The following TXN2 variants were observed in gnomAD, a reference collection of about 807,000 sequenced individuals.
TXN2 encodes thioredoxin 2.
In TXN2, 12 loss-of-function variants were observed where a neutral mutation model predicts 14.6. The observed-to-expected ratio is 0.82, with a 90% confidence interval of 0.53 to 1.33. The LOEUF is 1.33. Among genes scored for constraint, TXN2 ranks in the 40% most tolerant of loss-of-function variants. TXN2 has a pLI of 0.00. For missense variants in TXN2, 173 were observed against 207.7 expected (o/e 0.83, Z 1.03); for synonymous variants, 89 against 81.0 (o/e 1.10, Z -0.53).
At position 36,469,497 on chromosome 22, in the gene TXN2, G is replaced by A. The variant is rs1286896655; in HGVS notation, c.388-1580C>T. Among the ~76,000 whole-genome samples, 3 of 152,180 alleles carry A rather than the reference G, an allele frequency of 2.0e-5. No individual in the cohort carries two copies. In the East Asian group the frequency reaches 5.8e-4, roughly 29 times the overall value. On this transcript the variant is annotated intron_variant, in intron 3 of 3. Transcript: ENST00000216185. The stretch of plus-strand genomic sequence containing the variant: ...TTAGCAGGTTGCAGGCAGATGGCAA[G>A]GACAACATTCTTGGTCTGTGAAGCA...
At chr22:36,470,076 T>A (rs1933242019) in intron 3 of TXN2, among the ~76,000 whole-genome samples, 1 of 152,188 alleles carries the variant, frequency 6.6e-6, no homozygotes, top group South Asian at 2.1e-4. Context: ...TCTTCACATA[T>A]CCCAGTGCTG....
chr22:36,471,072 C>T (rs543981509), intron 3 of TXN2, among the ~76,000 whole-genome samples: 1 of 152,312 alleles, frequency 6.6e-6, no homozygotes, highest in Admixed American at 6.5e-5. Flanking sequence ...GCGGCTGAAG[C>T]TCTGCTGCTC....
At chr22:36,471,420 T>C (rs770765038) in intron 3 of TXN2, among the ~76,000 whole-genome samples, 1 of 152,180 alleles carries the variant, frequency 6.6e-6, no homozygotes, top group Non-Finnish European at 1.5e-5. Context: ...CCCACCCCGA[T>C]GGCATCCATC....
chr22:36,471,978 A>G (rs1348415485), intron 3 of TXN2, among the ~76,000 whole-genome samples: 2 of 152,014 alleles, frequency 1.3e-5, no homozygotes, highest in African/African-American at 4.8e-5. Flanking sequence ...TAAAAAAAAA[A>G]AAAAAAAAAA....
chr22:36,468,317 G>A (rs1933202056), intron 3 of TXN2, among the ~76,000 whole-genome samples: 1 of 152,210 alleles, frequency 6.6e-6, no homozygotes, highest in Admixed American at 6.5e-5. Flanking sequence ...TCCTGGCTTT[G>A]CACTCACTAG....
chr22:36,473,055 C>T (rs897264949), intron 3 of TXN2, among the ~76,000 whole-genome samples: 10 of 152,232 alleles, frequency 6.6e-5, no homozygotes, highest in East Asian at 5.8e-4. Flanking sequence ...GCCTGTAATG[C>T]CAGCACTCTG....
At chr22:36,481,158 G>A (rs1025738878) in intron 1 of TXN2, 20 of 212,518 alleles carry the variant, frequency 9.4e-5, no homozygotes, top group Non-Finnish European at 1.2e-4. Context: ...ACACATTATT[G>A]GTCTTCCTAC....
At chr22:36,477,508 T>TG (rs1162454978) in intron 2 of TXN2, among the ~76,000 whole-genome samples, 1 of 152,082 alleles carries the variant, frequency 6.6e-6, no homozygotes, top group Non-Finnish European at 1.5e-5. Context: ...GCGCCCGGCC[T>TG]GGGCCCTAGT....
intron 3 of TXN2, among the ~76,000 whole-genome samples, chr22:36,473,847 C>T (rs1219262359): frequency 6.6e-6 from 1 of 152,216 alleles, no homozygotes. Flanking sequence ...AACAGCCTCC[C>T]GGGGACGGTC....
intron 3 of TXN2, among the ~76,000 whole-genome samples, chr22:36,470,293 AG>A (rs1383374127): frequency 1.3e-5 from 2 of 152,214 alleles, no homozygotes; most frequent in African/African-American, 4.8e-5. Context: ...TTAGTGCCTC[AG>A]GCCCCTTCAA....
intron 2 of TXN2, 98 bp downstream of exon 2, chr22:36,480,477 A>C (rs950946656): frequency 8.0e-6 from 12 of 1,492,184 alleles, no homozygotes; most frequent in Non-Finnish European, 1.1e-5. Flanking sequence ...TTGAGTCTAC[A>C]TATGAGCAGC....
chr22:36,468,748 A>C (rs1185147005), intron 3 of TXN2: 3 of 426,872 alleles, frequency 7.0e-6, no homozygotes, highest in Admixed American at 5.1e-5. Flanking sequence ...TTTGAGTATA[A>C]AGCAGAGCTC....
intron 3 of TXN2, among the ~76,000 whole-genome samples, chr22:36,475,254 T>C (rs570100965): frequency 3.9e-5 from 6 of 152,130 alleles, no homozygotes; most frequent in Non-Finnish European, 8.8e-5. Flanking sequence ...GGCGCGTGCC[T>C]GTAATCTCAG....
rs1933480578 is a variant in TXN2, at chr22:36,480,647, A to C, written c.191T>G (p.Ile64Ser). ...TTRISLTTFN[I>S]QDGPDFQDRV... ...GTCTTGAAAGTCAGGTCCATCCTGG[A>C]TATTAAAGGTTGTCAAGGAGATCCT... The change falls in exon 2 of 4, where the codon ATC becomes AGC. Residue 64 changes from isoleucine to serine, a missense_variant. Physicochemically the swap from Ile to Ser is moderately radical, Grantham distance 142 (BLOSUM62 -2). Coordinates refer to ENST00000216185, the MANE Select transcript of TXN2 (RefSeq NM_012473.4). 6 of 1,614,154 alleles carry C rather than the reference A, an allele frequency of 3.7e-6. No individual in the cohort carries two copies. The highest frequency in any genetic ancestry group is 5.1e-6 in the Non-Finnish European group (6 of 1,180,034).
intron 2 of TXN2, 80 bp downstream of exon 2, chr22:36,480,495 A>G: frequency 1.3e-6 from 2 of 1,543,326 alleles, no homozygotes; most frequent in South Asian, 1.2e-5. Context: ...AGCATAGAAC[A>G]TGGCCGTGGG....
At position 36,467,932 on chromosome 22, in the gene TXN2, C is replaced by G. The variant is rs372250363; in HGVS notation, c.388-15G>C. 6.2e-7 allele frequency: 1 copy of G among 1,605,886 alleles called. No individual in the cohort carries two copies. Among genetic ancestry groups the G allele is most frequent in the Non-Finnish European group, 8.5e-7 (1 of 1,172,604 alleles). ...ACCGCTGACACCTGGGTGGAGAGGA[C>G]AAGGGGGTCCAAGTGAATTGGGAGT... On this transcript the variant is annotated splice_polypyrimidine_tract_variant and intron_variant, in intron 3 of 3. Coordinates refer to ENST00000216185, the MANE Select transcript of TXN2 (RefSeq NM_012473.4).
intron 3 of TXN2, among the ~76,000 whole-genome samples, chr22:36,475,583 G>C (rs1044553795): frequency 6.6e-6 from 1 of 152,074 alleles, no homozygotes; most frequent in South Asian, 2.1e-4. Flanking sequence ...GGCTGCTTTC[G>C]GCTACGAGCC....
intron 3 of TXN2, among the ~76,000 whole-genome samples, chr22:36,469,820 G>A (rs2145819876): frequency 6.6e-6 from 1 of 152,254 alleles, no homozygotes; most frequent in East Asian, 1.9e-4. Context: ...GCCGGGCGTG[G>A]TGGGGCATGC....
rs544295719 is a variant in TXN2 at position 36,481,545 on chromosome 22, AC to A, written c.-1+18del. 2.7e-4 allele frequency: 272 copies of A among 997,196 alleles called. No individual in the cohort carries two copies. In the African/African-American group the frequency reaches 3.6e-3, roughly 13 times the overall value. 61.8% of individuals were successfully genotyped at this position (997,196 alleles called of 1,614,324 possible). On this transcript the variant is annotated intron_variant, in intron 1 of 3. Coordinates refer to ENST00000216185, the MANE Select transcript of TXN2 (RefSeq NM_012473.4). ...CTCAGCCGCGACACCACCTCGAGCC[AC>A]CCCCACAGGGCTCCTACCTCCCTGC... is the stretch of plus-strand genomic sequence containing the variant.
Sources: allele counts gnomAD v4.1 joint callset (sites outside exome capture counted in the v4.1 genomes callset), GRCh38; gene constraint gnomAD v4.1.1; transcripts MANE v1.5; gene names NCBI Gene and HGNC (gene_info 2026-07-23, HGNC 2026-07-21).